The following PLEKHA5 variants were observed in gnomAD, a reference collection of about 807,000 sequenced individuals.
PLEKHA5 encodes the protein pleckstrin homology domain-containing family A member 5.
In PLEKHA5, 55 loss-of-function variants were observed where a neutral mutation model predicts 181.9. That is an observed-to-expected ratio of 0.30 (90% CI 0.24 to 0.38). The LOEUF is 0.38. Ranked by LOEUF, PLEKHA5 falls within the 10% of genes least tolerant of loss-of-function variation. PLEKHA5 has a pLI of 1.00. For missense variants in PLEKHA5, 1,432 were observed against 1,549.5 expected (o/e 0.92, Z 1.27); for synonymous variants, 535 against 529.4 (o/e 1.01, Z -0.15).
chr12:19,322,770 T>C (rs879025723), intron 20 of PLEKHA5, 103 bp downstream of exon 20: 1 of 691,234 alleles, frequency 1.4e-6, no homozygotes. Flanking sequence ...TTCTTCTATA[T>C]TATTATAGCA....
chr12:19,153,746 C>T (rs1391777229), intron 3 of PLEKHA5: 1 of 152,120 alleles, frequency 6.6e-6, no homozygotes, highest in Non-Finnish European at 1.5e-5. Context: ...ATCATCTGTA[C>T]ATTGTTCTGT....
chr12:19,345,221 G>A (rs2094233593), intron 22 of PLEKHA5, among the ~76,000 whole-genome samples: 1 of 151,790 alleles, frequency 6.6e-6, no homozygotes, highest in African/African-American at 2.4e-5. Flanking sequence ...CCAACTTGTT[G>A]AGACCCCATC....
chr12:19,276,508 T>C (rs2152747857), intron 11 of PLEKHA5, among the ~76,000 whole-genome samples: 1 of 152,296 alleles, frequency 6.6e-6, no homozygotes, highest in African/African-American at 2.4e-5. Context: ...CTGGCCAAGA[T>C]GGTGAAACCC....
chr12:19,254,612 G>A (rs1469366956), intron 4 of PLEKHA5, among the ~76,000 whole-genome samples: 2 of 152,062 alleles, frequency 1.3e-5, no homozygotes, highest in Admixed American at 1.3e-4. Context: ...CTTGAGGTCA[G>A]GCATTCAAGA....
rs2094598251 is a variant in PLEKHA5 at position 19,351,634 on chromosome 12, C to CA, written c.3020-2249dup. Among the ~76,000 whole-genome samples the CA allele has an allele frequency of 2.0e-5, 3 of 152,046 alleles. No individual in the cohort carries two copies. The South Asian group carries it at 6.2e-4, about 32-fold the overall frequency. On this transcript the variant is annotated intron_variant, in intron 25 of 31. Coordinates refer to ENST00000429027, the MANE Select transcript of PLEKHA5 (RefSeq NM_001256470.2). Reference sequence around the variant, plus strand: ...CACTTACACTTCAGCCTGAACAACACAGCAGGACTCTGGAAGGAGAGAAAG... The same window carrying CA: ...CACTTACACTTCAGCCTGAACAACACAAGCAGGACTCTGGAAGGAGAGAAAG...
intron 20 of PLEKHA5, among the ~76,000 whole-genome samples, chr12:19,335,302 G>A (rs1239804121): frequency 6.6e-6 from 1 of 151,184 alleles, no homozygotes; most frequent in African/African-American, 2.4e-5. Flanking sequence ...TAAAGTGCTG[G>A]GATTATAGGC....
intron 3 of PLEKHA5, among the ~76,000 whole-genome samples, chr12:19,145,713 A>G (rs1213597220): frequency 6.6e-6 from 1 of 151,992 alleles, no homozygotes; most frequent in East Asian, 1.9e-4. Flanking sequence ...GAAGTATGAT[A>G]GTGAACCAAT....
At chr12:19,371,136 C>T (rs1389804663) in intron 31 of PLEKHA5, 1 of 152,386 alleles carries the variant, frequency 6.6e-6, no homozygotes, top group Non-Finnish European at 1.5e-5. Flanking sequence ...CCTCAGCCCC[C>T]TGAGTAGCTG....
At chr12:19,238,483 A>G (rs1290421157) in intron 3 of PLEKHA5, among the ~76,000 whole-genome samples, 2 of 152,050 alleles carry the variant, frequency 1.3e-5, no homozygotes, top group East Asian at 1.9e-4. Flanking sequence ...AAGAGCCACA[A>G]TTTTTTCCTT....
At chr12:19,135,561 T>G (rs1042642721) in intron 3 of PLEKHA5, among the ~76,000 whole-genome samples, 1 of 152,200 alleles carries the variant, frequency 6.6e-6, no homozygotes, top group Non-Finnish European at 1.5e-5. Flanking sequence ...AAGCTTTGGA[T>G]AGACAATCAC....
At chr12:19,364,383 T>C (rs1266133454) in intron 29 of PLEKHA5, among the ~76,000 whole-genome samples, 1 of 151,930 alleles carries the variant, frequency 6.6e-6, no homozygotes, top group Non-Finnish European at 1.5e-5. Context: ...TAGTGGTACA[T>C]TCCTGTAATC....
chr12:19,215,038 G>A (rs371962979), intron 3 of PLEKHA5, among the ~76,000 whole-genome samples: 5 of 152,158 alleles, frequency 3.3e-5, no homozygotes, highest in South Asian at 2.1e-4. Flanking sequence ...TTAGCTGGGT[G>A]TGGTGGCGCA....
intron 3 of PLEKHA5, among the ~76,000 whole-genome samples, chr12:19,247,432 A>G (rs753748387): frequency 2.6e-5 from 4 of 152,212 alleles, no homozygotes; most frequent in East Asian, 1.9e-4. Flanking sequence ...TATAAAATAC[A>G]TAAGATTGGA....
At chr12:19,147,759 A>T (rs899650880) in intron 3 of PLEKHA5, among the ~76,000 whole-genome samples, 3 of 152,164 alleles carry the variant, frequency 2.0e-5, no homozygotes, top group African/African-American at 7.2e-5. Flanking sequence ...TTTTAGAGAC[A>T]GGGTCTCACT....
chr12:19,281,579 A>G (rs78090136), intron 11 of PLEKHA5, among the ~76,000 whole-genome samples: 1 of 105,506 alleles, frequency 9.5e-6, no homozygotes, highest in Admixed American at 9.4e-5. Flanking sequence ...ACTATCTCCA[A>G]AAAAAAAAAA....
At chr12:19,199,247 T>C (rs572538621) in intron 3 of PLEKHA5, among the ~76,000 whole-genome samples, 1 of 152,324 alleles carries the variant, frequency 6.6e-6, no homozygotes, top group East Asian at 1.9e-4. Context: ...TTCCTAAAGA[T>C]TGAATATTTA....
At chr12:19,239,527 T>C (rs1240306603) in intron 3 of PLEKHA5, among the ~76,000 whole-genome samples, 1 of 152,232 alleles carries the variant, frequency 6.6e-6, no homozygotes, top group Non-Finnish European at 1.5e-5. Flanking sequence ...AAATTAGGTG[T>C]TATGTGCATC....
At chr12:19,372,084 T>TC (rs1184101670) in intron 31 of PLEKHA5, 1 of 152,198 alleles carries the variant, frequency 6.6e-6, no homozygotes, top group Non-Finnish European at 1.5e-5. Flanking sequence ...CACTGCAACC[T>TC]CCTCCTCCAG....
chr12:19,181,046 A>G lies in PLEKHA5; in HGVS notation c.227+48596A>G, dbSNP rs1281792445. The stretch of plus-strand genomic sequence containing the variant: ...GGCAGATAGTTGAAATTGTAAAAAA[A>G]AAAAAAAATCAATTTTGATTCTCTA... On this transcript the variant is annotated intron_variant, in intron 3 of 31. Transcript: ENST00000429027. Among the ~76,000 whole-genome samples the G allele has an allele frequency of 3.3e-5, 5 of 152,144 alleles. No individual in the cohort carries two copies. The East Asian group carries it at 9.6e-4, about 29-fold the overall frequency.
Sources: gnomAD v4.1 joint callset for allele counts (sites outside exome capture counted in the v4.1 genomes callset) on GRCh38, gnomAD v4.1.1 for gene constraint, MANE v1.5 for transcripts, NCBI Gene and HGNC (gene_info 2026-07-23, HGNC 2026-07-21) for gene names.